The following EBF1 variants were observed in gnomAD, a reference collection of about 807,000 sequenced individuals.
EBF1 encodes EBF transcription factor 1, also known as transcription factor COE1.
Under a neutral mutation model 68.4 loss-of-function variants are expected in EBF1, and 10 were observed. That is an observed-to-expected ratio of 0.15 (90% CI 0.09 to 0.25). The LOEUF (loss-of-function observed/expected upper bound fraction) is 0.25. EBF1 is among the 10% of genes least tolerant of loss of function. The pLI, the probability that EBF1 is intolerant of heterozygous loss-of-function variation, is 1.00. For synonymous variants in EBF1, 298 were observed against 299.8 expected, an observed-to-expected ratio of 0.99 and a Z score of 0.06; for missense variants, 509 against 794.4, an observed-to-expected ratio of 0.64 and a Z score of 4.32.
At chr5:159,063,916 C>T (rs940274485) in intron 6 of EBF1, among the ~76,000 whole-genome samples, 1 of 152,170 alleles carries the variant, frequency 6.6e-6, no homozygotes, top group South Asian at 2.1e-4. Context: ...GATGAGAAAA[C>T]TGAGCCCCCT....
intron 9 of EBF1, among the ~76,000 whole-genome samples, chr5:158,788,721 T>G (rs185363974): frequency 6.6e-6 from 1 of 152,298 alleles, no homozygotes; most frequent in East Asian, 1.9e-4. Context: ...CTGTCATTGA[T>G]TCATATGAAA....
At position 158,822,008 on chromosome 5, in the gene EBF1, G is replaced by A. The variant is rs1021855649; in HGVS notation, c.778+1168C>T. 3.9e-5 allele frequency among the ~76,000 whole-genome samples: 6 copies of A among 152,270 alleles called. No homozygotes were observed. In the South Asian group the frequency reaches 8.3e-4, roughly 21 times the overall value. ...CAGGCAAAAATGATGAGAGTGGCGT[G>A]TTTATTAAATTGGGATGCTGGCAGA... On this transcript the variant is annotated intron_variant, in intron 8 of 15. Coordinates refer to ENST00000313708, the MANE Select transcript of EBF1 (RefSeq NM_024007.5).
At chr5:158,734,119 G>A (rs1330176305) in intron 10 of EBF1, among the ~76,000 whole-genome samples, 2 of 152,136 alleles carry the variant, frequency 1.3e-5, no homozygotes, top group African/African-American at 2.4e-5. Flanking sequence ...GTACAATATA[G>A]TTACTTTTTT....
chr5:158,792,772 G>A (rs900720572), intron 9 of EBF1, among the ~76,000 whole-genome samples: 1 of 152,192 alleles, frequency 6.6e-6, no homozygotes, highest in Non-Finnish European at 1.5e-5. Context: ...CCTAGCGTAG[G>A]CATGTATCCT....
intron 6 of EBF1, among the ~76,000 whole-genome samples, chr5:159,033,905 T>C (rs1222403278): frequency 6.6e-6 from 1 of 152,196 alleles, no homozygotes; most frequent in Non-Finnish European, 1.5e-5. Context: ...GGACATCTAA[T>C]TTATGGGTGT....
chr5:158,916,884 A>G (rs532756182), intron 6 of EBF1, among the ~76,000 whole-genome samples: 1 of 152,292 alleles, frequency 6.6e-6, no homozygotes, highest in South Asian at 2.1e-4. Context: ...CTTCCATGCA[A>G]TAAGCAGGTC....
intron 6 of EBF1, among the ~76,000 whole-genome samples, chr5:158,935,514 C>T (rs984484542): frequency 8.5e-5 from 13 of 152,150 alleles, no homozygotes; most frequent in Admixed American, 7.2e-4. Flanking sequence ...TGCATGTGCA[C>T]GCGTGCACAC....
chr5:158,912,800 T>C (rs572604196), intron 6 of EBF1, among the ~76,000 whole-genome samples: 1 of 152,352 alleles, frequency 6.6e-6, no homozygotes, highest in East Asian at 1.9e-4. Flanking sequence ...CTTGTATTCC[T>C]GTCCTTCCTA....
At chr5:158,824,187 G>A (rs775582610) in intron 7 of EBF1, among the ~76,000 whole-genome samples, 1 of 152,316 alleles carries the variant, frequency 6.6e-6, no homozygotes, top group Non-Finnish European at 1.5e-5. Flanking sequence ...ATAATTGTCT[G>A]TAATTGCAGC....
intron 6 of EBF1, among the ~76,000 whole-genome samples, chr5:158,993,402 T>G (rs187816470): frequency 6.3e-4 from 96 of 152,188 alleles, no homozygotes; most frequent in South Asian, 2.5e-3. Flanking sequence ...AGGTCTCTGG[T>G]TGGTATCTGG....
At chr5:159,023,105 A>G (rs1031668351) in intron 6 of EBF1, among the ~76,000 whole-genome samples, 11 of 152,210 alleles carry the variant, frequency 7.2e-5, no homozygotes, top group Admixed American at 2.0e-4. Flanking sequence ...ATTAACAGTA[A>G]TAACAGCTGT....
intron 9 of EBF1, among the ~76,000 whole-genome samples, chr5:158,783,508 A>G (rs960916907): frequency 6.6e-6 from 1 of 152,188 alleles, no homozygotes; most frequent in African/African-American, 2.4e-5. Context: ...TAATTTTTCT[A>G]TGTGGCAGTA....
intron 5 of EBF1, among the ~76,000 whole-genome samples, chr5:159,081,728 A>G (rs1289034333): frequency 6.6e-6 from 1 of 152,200 alleles, no homozygotes; most frequent in African/African-American, 2.4e-5. Flanking sequence ...TCTGGGAACT[A>G]GGTTCACTGA....
intron 6 of EBF1, among the ~76,000 whole-genome samples, chr5:159,064,154 ATGTG>A (rs1584366750): frequency 6.6e-6 from 1 of 152,172 alleles, no homozygotes; most frequent in African/African-American, 2.4e-5. Context: ...ATATGCATAT[ATGTG>A]TGTGTATATA....
intron 6 of EBF1, among the ~76,000 whole-genome samples, chr5:159,056,848 C>T (rs957737286): frequency 3.3e-5 from 5 of 152,124 alleles, no homozygotes; most frequent in African/African-American, 9.7e-5. Flanking sequence ...GACAACTGCT[C>T]ATGGTAAGAC....
In EBF1 at chr5:159,097,281, G is replaced by A. The variant is rs530465052; in HGVS notation, c.135-151C>T. 33 of 848,850 alleles carry A rather than the reference G, an allele frequency of 3.9e-5. No individual in the cohort carries two copies. The East Asian group carries it at 7.0e-4, about 18-fold the overall frequency. The allele number at this position is 848,850 out of a possible 1,614,324, so 52.6% of individuals were successfully genotyped here. ...TCTTCACGCCCCTTCAGGCGACATA[G>A]ACCCAGCTGACAACGGGACACACAT... On this transcript the variant is annotated intron_variant, in intron 1 of 15. Coordinates refer to ENST00000313708, the MANE Select transcript of EBF1 (RefSeq NM_024007.5).
At chr5:158,978,221 C>A (rs984919277) in intron 6 of EBF1, among the ~76,000 whole-genome samples, 1 of 152,222 alleles carries the variant, frequency 6.6e-6, no homozygotes, top group African/African-American at 2.4e-5. Flanking sequence ...CGCCCCGGTG[C>A]GCCCTGACCC....
intron 6 of EBF1, among the ~76,000 whole-genome samples, chr5:158,954,788 G>A (rs1816729467): frequency 6.6e-6 from 1 of 152,160 alleles, no homozygotes; most frequent in Non-Finnish European, 1.5e-5. Flanking sequence ...CATTTTGTAA[G>A]CACAAATATT....
chr5:158,818,496 T>C (rs1019362319), intron 8 of EBF1, among the ~76,000 whole-genome samples: 2 of 152,142 alleles, frequency 1.3e-5, no homozygotes, highest in Non-Finnish European at 2.9e-5. Context: ...AACCAAAAGG[T>C]CAGAATTCAC....
Sources: allele counts gnomAD v4.1 joint callset (sites outside exome capture counted in the v4.1 genomes callset), GRCh38; gene constraint gnomAD v4.1.1; transcripts MANE v1.5; gene names NCBI Gene and HGNC (gene_info 2026-07-23, HGNC 2026-07-21).